SSBP3: variants seen among roughly 807,000 people sequenced by gnomAD.
SSBP3 encodes single-stranded DNA-binding protein 3.
A neutral mutation model predicts 69.6 loss-of-function variants in SSBP3; 5 were observed. The observed-to-expected ratio is 0.07, with a 90% confidence interval of 0.04 to 0.15. The LOEUF is 0.15. Ranked by LOEUF, SSBP3 falls within the 10% of genes least tolerant of loss-of-function variation. The probability of loss-of-function intolerance (pLI) is 1.00; values close to 1 mark genes in which losing one functional copy is unlikely to be tolerated. For synonymous variants in SSBP3, 196 were observed against 193.4 expected, an observed-to-expected ratio of 1.01 and a Z score of -0.11; for missense variants, 312 against 534.0, an observed-to-expected ratio of 0.58 and a Z score of 4.10.
At chr1:54,369,923 C>T (rs573827885) in intron 4 of SSBP3, among the ~76,000 whole-genome samples, 43 of 152,142 alleles carry the variant, frequency 2.8e-4, no homozygotes, top group Non-Finnish European at 5.9e-4. Context: ...TCCCATGAAG[C>T]TTTGTGTGAT....
chr1:54,303,432 A>T (rs1022307494), intron 4 of SSBP3, among the ~76,000 whole-genome samples: 1 of 152,126 alleles, frequency 6.6e-6, no homozygotes, highest in Non-Finnish European at 1.5e-5. Context: ...TCATTACTTC[A>T]ATGTAAACAA....
chr1:54,260,786 G>A (rs1368450316), intron 5 of SSBP3, among the ~76,000 whole-genome samples: 1 of 152,242 alleles, frequency 6.6e-6, no homozygotes, highest in African/African-American at 2.4e-5. Flanking sequence ...GGCGGGAAGA[G>A]CAGCTAGAAG....
intron 4 of SSBP3, among the ~76,000 whole-genome samples, chr1:54,306,022 C>A (rs897264621): frequency 6.6e-6 from 1 of 151,738 alleles, no homozygotes; most frequent in Admixed American, 6.6e-5. Context: ...TCCTCGGTAG[C>A]CCTTCCCAGA....
intron 4 of SSBP3, among the ~76,000 whole-genome samples, chr1:54,374,661 C>T (rs1647187455): frequency 1.3e-5 from 2 of 152,278 alleles, no homozygotes; most frequent in South Asian, 4.1e-4. Context: ...CCATCCCTTT[C>T]TCCCTCCATC....
At chr1:54,239,086 T>C in intron 14 of SSBP3, 43 bp downstream of exon 14, 2 of 1,523,916 alleles carry the variant, frequency 1.3e-6, no homozygotes, top group Non-Finnish European at 1.8e-6. Flanking sequence ...AATTATGATT[T>C]GTTATGGTGT....
At chr1:54,254,142 G>A (rs1357387363) in intron 7 of SSBP3, among the ~76,000 whole-genome samples, 2 of 152,166 alleles carry the variant, frequency 1.3e-5, no homozygotes, top group African/African-American at 2.4e-5. Context: ...ATAATTACAC[G>A]CTGTGCACAC....
upstream of SSBP3, among the ~76,000 whole-genome samples, chr1:54,407,506 C>A (rs372334408): frequency 1.3e-5 from 2 of 152,034 alleles, no homozygotes; most frequent in Non-Finnish European, 2.9e-5. Context: ...CTGCCCACGC[C>A]GAGAACCCAG....
At chr1:54,410,554 G>A (rs112366054), upstream of SSBP3, among the ~76,000 whole-genome samples, 130 of 152,354 alleles carry the variant, frequency 8.5e-4, no homozygotes, top group African/African-American at 3.1e-3. Flanking sequence ...CTCAGTCCTA[G>A]AATTGCACGG....
intron 4 of SSBP3, among the ~76,000 whole-genome samples, chr1:54,378,379 C>G (rs923043375): frequency 6.6e-6 from 1 of 152,184 alleles, no homozygotes; most frequent in Non-Finnish European, 1.5e-5. Flanking sequence ...ACAGTTTGCG[C>G]GTCCATATTT....
Position 54,396,224 on chromosome 1 carries a change from C to T in SSBP3, c.276+5637G>A, listed in dbSNP as rs1031194507. 5.3e-5 allele frequency among the ~76,000 whole-genome samples: 7 copies of T among 132,244 alleles called. No individual in the cohort carries two copies. The South Asian group carries it at 9.6e-4, about 18-fold the overall frequency. 86.8% of individuals were successfully genotyped at this position (132,244 alleles called of 152,430 possible). A position where few individuals can be genotyped will look rare whatever the true frequency, so the allele number is the denominator to read the frequency against. On this transcript the variant is annotated intron_variant, in intron 4 of 17. Coordinates refer to ENST00000610401, the Ensembl canonical transcript of SSBP3. ...AAAAAAAAAAAAAAAAAAAAACAACCCCATTACCCCAGCGAATCAAAAACA... is the reference window on the plus strand; with the variant it reads ...AAAAAAAAAAAAAAAAAAAAACAACTCCATTACCCCAGCGAATCAAAAACA...
chr1:54,401,003 AC>A (rs775731446), intron 4 of SSBP3, among the ~76,000 whole-genome samples: 1 of 152,218 alleles, frequency 6.6e-6, no homozygotes. Flanking sequence ...TTAACTGTCT[AC>A]AGGGCTAGCA....
intron 1 of SSBP3, among the ~76,000 whole-genome samples, chr1:54,411,673 G>A (rs1649994731): frequency 6.6e-6 from 1 of 151,520 alleles, no homozygotes; most frequent in Non-Finnish European, 1.5e-5. Flanking sequence ...CAGGCAGATC[G>A]CGAGGTCAGG....
intron 4 of SSBP3, among the ~76,000 whole-genome samples, chr1:54,396,287 G>A (rs570711616): frequency 1.3e-5 from 2 of 149,916 alleles, no homozygotes; most frequent in African/African-American, 4.9e-5. Context: ...AGAGCTCCCA[G>A]CAACATGTAT....
At chr1:54,310,601 C>A (rs943650919) in intron 4 of SSBP3, among the ~76,000 whole-genome samples, 1 of 152,088 alleles carries the variant, frequency 6.6e-6, no homozygotes, top group East Asian at 1.9e-4. Flanking sequence ...CTCCCTCCCC[C>A]ACCCTCACAG....
chr1:54,340,446 C>T (rs1057296287), intron 4 of SSBP3, among the ~76,000 whole-genome samples: 5 of 152,190 alleles, frequency 3.3e-5, no homozygotes, highest in Non-Finnish European at 7.3e-5. Flanking sequence ...CCCATCTCCC[C>T]AAGTTGTGGG....
chr1:54,318,437 GT>G (rs948402624), intron 4 of SSBP3, among the ~76,000 whole-genome samples: 92 of 150,500 alleles, frequency 6.1e-4, no homozygotes, highest in African/African-American at 1.6e-3. Context: ...GTAGGATTAA[GT>G]TTTTTTTTTC....
chr1:54,312,273 G>A (rs1359096749), intron 4 of SSBP3, among the ~76,000 whole-genome samples: 1 of 151,330 alleles, frequency 6.6e-6, no homozygotes, highest in African/African-American at 2.4e-5. Context: ...TAGGTGACAG[G>A]GTGAGATACT....
chr1:54,405,208 T>A (rs1200073593), intron 1 of SSBP3, among the ~76,000 whole-genome samples: 3 of 152,140 alleles, frequency 2.0e-5, no homozygotes, highest in Admixed American at 6.5e-5. Flanking sequence ...CCTAGGTTCC[T>A]CAAACTCGCA....
intron 4 of SSBP3, among the ~76,000 whole-genome samples, chr1:54,353,217 TC>T (rs1215170361): frequency 5.9e-5 from 9 of 152,138 alleles, no homozygotes; most frequent in African/African-American, 1.9e-4. Context: ...TTATTTTGCA[TC>T]TAACAAGGCC....
Sources: allele counts gnomAD v4.1 joint callset (sites outside exome capture counted in the v4.1 genomes callset), GRCh38; gene constraint gnomAD v4.1.1; transcripts MANE v1.5; gene names NCBI Gene and HGNC (gene_info 2026-07-23, HGNC 2026-07-21).